PIGN: variants seen among roughly 807,000 people sequenced by gnomAD.
PIGN encodes GPI ethanolamine phosphate transferase 1.
Under a neutral mutation model 125.4 loss-of-function variants are expected in PIGN, and 117 were observed. The ratio of observed to expected loss-of-function variants is 0.93; its 90% CI spans 0.80 to 1.09. The LOEUF (loss-of-function observed/expected upper bound fraction) is 1.09, where lower values mean the gene tolerates loss of function less well. Among genes scored for constraint, PIGN ranks in the 50% least tolerant of loss-of-function variants. The pLI is 0.00. For missense variants in PIGN, 1,075 were observed against 1,094.9 expected (o/e 0.98, Z 0.26); for synonymous variants, 392 against 377.8 (o/e 1.04, Z -0.44).
In PIGN at chr18:62,120,787, A is replaced by G. The variant is rs376796551; in HGVS notation, c.1173-6148T>C. Among the ~76,000 whole-genome samples, 52 of 152,198 alleles carry G rather than the reference A, an allele frequency of 3.4e-4. No homozygotes were observed. In the East Asian group the frequency reaches 9.6e-3, roughly 28 times the overall value. On this transcript the variant is annotated intron_variant, in intron 14 of 30. Transcript: ENST00000640252. The stretch of plus-strand genomic sequence containing the variant: ...TTAATTAATCCTACAAAAAAACAAA[A>G]TAAAACAGAAAAAGGAACATAAAAC...
Position 62,072,637 on chromosome 18 carries a change from C to T in PIGN, c.2672+36G>A, listed in dbSNP as rs140167431. On this transcript the variant is annotated intron_variant, in intron 30 of 30. Coordinates refer to ENST00000640252, the MANE Select transcript of PIGN (RefSeq NM_176787.5). ...ACAATATATTTCTCAGAACTTATCC[C>T]TGTTGTTAAGCAATGCATGACCATA... 415 of 1,498,416 alleles carry T rather than the reference C, an allele frequency of 2.8e-4. 1 individual carries two copies. The highest frequency in any genetic ancestry group is 2.1e-3 in the Middle Eastern group (12 of 5,840). The allele number at this position is 1,498,416 out of a possible 1,614,324, so 92.8% of individuals were successfully genotyped here.
intron 14 of PIGN, among the ~76,000 whole-genome samples, chr18:62,129,749 A>C (rs1318824843): frequency 1.3e-5 from 2 of 152,230 alleles, no homozygotes; most frequent in Admixed American, 6.5e-5. Context: ...TGGTTAAGTA[A>C]ATCAATGAAG....
chr18:62,162,809 TAATC>T (rs905979621), intron 2 of PIGN, among the ~76,000 whole-genome samples: 5 of 152,160 alleles, frequency 3.3e-5, no homozygotes, highest in African/African-American at 1.2e-4. Flanking sequence ...TTTAGAATAA[TAATC>T]ACTGTCCTTA....
chr18:62,131,999 T>G (rs1054276591), intron 14 of PIGN, among the ~76,000 whole-genome samples: 1 of 138,048 alleles, frequency 7.2e-6, no homozygotes, highest in Non-Finnish European at 1.6e-5. Context: ...AACAATATAT[T>G]TCTAAGAACA....
intron 15 of PIGN, among the ~76,000 whole-genome samples, chr18:62,114,359 C>CAAAAAA (rs373385473): frequency 9.0e-6 from 1 of 111,386 alleles, no homozygotes. Context: ...CACTCTGTCT[C>CAAAAAA]AAAAAAAAAA....
At chr18:62,127,838 G>A (rs2035593708) in intron 14 of PIGN, among the ~76,000 whole-genome samples, 1 of 152,006 alleles carries the variant, frequency 6.6e-6, no homozygotes, top group African/African-American at 2.4e-5. Context: ...CCTATATCCT[G>A]TGGCATTTTT....
In PIGN at chr18:62,101,064, T is replaced by C; in HGVS notation, c.2077+11A>G. 1 of 1,435,628 alleles carries C rather than the reference T, an allele frequency of 7.0e-7. No individual in the cohort carries two copies. The highest frequency in any genetic ancestry group is 1.4e-5 in the African/African-American group (1 of 72,012). The allele number at this position is 1,435,628 out of a possible 1,614,324, so 88.9% of individuals were successfully genotyped here. On this transcript the variant is annotated intron_variant, in intron 22 of 30. Coordinates refer to ENST00000640252, the MANE Select transcript of PIGN (RefSeq NM_176787.5). ...GTCAAATTACCTCACCTGGTTTGAG[T>C]GGCCTCTTACCTAATGTTGCCCAGC... is the stretch of plus-strand genomic sequence containing the variant.
In PIGN at chr18:62,161,282, A is replaced by T. The variant is rs756975810; in HGVS notation, c.72T>A (p.Phe24Leu). The T allele has an allele frequency of 6.2e-7, 1 of 1,613,836 alleles. No homozygotes were observed. Among genetic ancestry groups the T allele is most frequent in the South Asian group, 1.1e-5 (1 of 91,078 alleles). The change falls in exon 4 of 31, where the codon TTT (phenylalanine) becomes TTA (leucine). Residue 24 changes from phenylalanine to leucine, a missense_variant. By Grantham distance (22) the Phe-to-Leu change is conservative. Transcript: ENST00000640252. ...TCATTCCATGAACCAAAGGAGATGT[A>T]AAATAAATGTCAAAGATGGAGGCGA... ...VFFASIFDIY[F>L]TSPLVHGMTP...
chr18:62,107,177 A>G (rs2034680220), intron 17 of PIGN, 92 bp from the exon 18 acceptor site: 1 of 772,576 alleles, frequency 1.3e-6, no homozygotes, highest in African/African-American at 1.7e-5. Context: ...ACACTACATA[A>G]TTTTCCATTT....
chr18:62,150,275 C>A (rs762732534), intron 7 of PIGN, among the ~76,000 whole-genome samples: 1 of 152,194 alleles, frequency 6.6e-6, no homozygotes, highest in Non-Finnish European at 1.5e-5. Context: ...TGAGCCACCG[C>A]GCCCAGCCTC....
intron 23 of PIGN, among the ~76,000 whole-genome samples, chr18:62,090,812 T>A (rs541696647): frequency 3.3e-5 from 5 of 152,052 alleles, no homozygotes; most frequent in Admixed American, 2.6e-4. Context: ...ATAATAGAAA[T>A]ATATAAAAGC....
intron 1 of PIGN, among the ~76,000 whole-genome samples, chr18:62,169,697 T>G (rs62096079): frequency 0.28 from 42,378 of 152,058 alleles, 7,064 homozygotes; most frequent in East Asian, 0.59. Context: ...CACGGCTTAC[T>G]GCAGCCTTGA....
intron 30 of PIGN, among the ~76,000 whole-genome samples, chr18:62,050,115 G>C (rs2031144419): frequency 6.6e-6 from 1 of 151,938 alleles, no homozygotes; most frequent in East Asian, 1.9e-4. Context: ...TTGTAGTATA[G>C]TTTGAAGTCA....
intron 14 of PIGN, among the ~76,000 whole-genome samples, chr18:62,128,935 C>T (rs142495816): frequency 1.4e-3 from 213 of 152,212 alleles, no homozygotes; most frequent in African/African-American, 5.0e-3. Context: ...AAGTATACAA[C>T]GATGTTTCAT....
At chr18:62,093,000 T>G (rs141895415) in intron 23 of PIGN, among the ~76,000 whole-genome samples, 1 of 152,170 alleles carries the variant, frequency 6.6e-6, no homozygotes, top group East Asian at 1.9e-4. Context: ...ATAGTTCTTA[T>G]TTTATAGCAG....
chr18:62,081,569 G>A (rs945565752), intron 28 of PIGN, among the ~76,000 whole-genome samples: 7 of 151,998 alleles, frequency 4.6e-5, no homozygotes, highest in Admixed American at 2.0e-4. Flanking sequence ...CTATAGACAC[G>A]CACAAATATA....
At chr18:62,018,767 C>T (rs73964830) in intron 23 of PIGN, among the ~76,000 whole-genome samples, 3,179 of 152,214 alleles carry the variant, frequency 0.021, 110 homozygotes, top group African/African-American at 0.073. Flanking sequence ...GATTCTGAAA[C>T]CACATGCATG....
Position 62,035,457 on chromosome 18 carries a change from CT to C in PIGN, c.2143-17717del, listed in dbSNP as rs2030246568. On this transcript the variant is annotated intron_variant, in intron 23 of 24. Coordinates refer to the PIGN transcript ENST00000639600. ...AAATTCCCGCAGCTGTGGAGTTCCC[CT>C]GGGAAACCAGACAGTTCAATCTTGT... is the stretch of plus-strand genomic sequence containing the variant. Among the ~76,000 whole-genome samples the C allele has an allele frequency of 2.6e-5, 4 of 152,166 alleles. No homozygotes were observed. The South Asian group carries it at 8.3e-4, about 32-fold the overall frequency.
chr18:62,184,831 T>C (rs2037839500), intron 1 of PIGN, among the ~76,000 whole-genome samples: 1 of 152,206 alleles, frequency 6.6e-6, no homozygotes, highest in African/African-American at 2.4e-5. Flanking sequence ...TCTCAACACA[T>C]ACTAATATTT....
Sources: allele counts gnomAD v4.1 joint callset (sites outside exome capture counted in the v4.1 genomes callset), GRCh38; gene constraint gnomAD v4.1.1; transcripts MANE v1.5; gene names NCBI Gene and HGNC (gene_info 2026-07-23, HGNC 2026-07-21).